Variants in CCDC33 observed in about 807,000 individuals in gnomAD.
CCDC33 encodes coiled-coil domain containing 33, also known as coiled-coil domain-containing protein 33.
A neutral mutation model predicts 91.9 loss-of-function variants in CCDC33; 94 were observed. That is an observed-to-expected ratio of 1.02 (90% CI 0.87 to 1.21). The LOEUF is 1.21. CCDC33 is among the 50% of genes most tolerant of loss of function. The pLI is 0.00. For missense variants in CCDC33, 940 were observed against 935.5 expected, an observed-to-expected ratio of 1.00 and a Z score of -0.06; for synonymous variants, 396 against 374.5, an observed-to-expected ratio of 1.06 and a Z score of -0.66.
intron 1 of CCDC33, chr15:74,208,712 A>G: frequency 1.0e-6 from 1 of 987,108 alleles, no homozygotes; most frequent in African/African-American, 1.7e-5. Context: ...ACTCCTGCTC[A>G]CTTCCCACCG....
chr15:74,262,088 G>A (rs2142372966), intron 2 of CCDC33, among the ~76,000 whole-genome samples: 2 of 152,332 alleles, frequency 1.3e-5, no homozygotes, highest in South Asian at 4.1e-4. Flanking sequence ...AGAAGAGGGA[G>A]GCCATGCACA....
chr15:74,218,316 G>A lies in CCDC33; in HGVS notation c.311-181G>A, dbSNP rs1310940801. ...TTGGATTGGGCATCAGCAAAGGGAGGGAGCCATGGGTGGGGCCTAGGAGGG... is the reference window on the plus strand; with the variant it reads ...TTGGATTGGGCATCAGCAAAGGGAGAGAGCCATGGGTGGGGCCTAGGAGGG... On this transcript the variant is annotated intron_variant, in intron 1 of 2. Coordinates refer to the CCDC33 transcript ENST00000635913. The surrounding 1 kb of genome is among the most constrained non-coding windows in gnomAD (Gnocchi z 4.8). Among the ~76,000 whole-genome samples the A allele has an allele frequency of 1.3e-5, 2 of 152,106 alleles. No homozygotes were observed. Among genetic ancestry groups the A allele is most frequent in the Non-Finnish European group, 2.9e-5 (2 of 67,992 alleles).
intron 1 of CCDC33, among the ~76,000 whole-genome samples, chr15:74,205,732 G>A (rs1443749264): frequency 6.6e-6 from 1 of 152,198 alleles, no homozygotes. Context: ...GCTGAGCCCA[G>A]GCACAGTCCC....
chr15:74,296,875 G>A (rs1335592105), intron 11 of CCDC33, among the ~76,000 whole-genome samples: 1 of 152,204 alleles, frequency 6.6e-6, no homozygotes, highest in East Asian at 1.9e-4. Context: ...AGTAACCATG[G>A]CTGAATTATT....
At chr15:74,225,155 T>TGTGA (rs1491175056) in intron 2 of CCDC33, among the ~76,000 whole-genome samples, 26 of 143,190 alleles carry the variant, frequency 1.8e-4, no homozygotes, top group African/African-American at 5.6e-4. Context: ...TGTGTGTGTG[T>TGTGA]GACAGAGAAT....
intron 2 of CCDC33, chr15:74,209,693 C>G: frequency 2.0e-6 from 1 of 508,698 alleles, no homozygotes; most frequent in Non-Finnish European, 3.5e-6. Context: ...TGCATCCCCC[C>G]TCACCTGAGC....
chr15:74,233,253 C>G (rs1270497045), upstream of CCDC33, among the ~76,000 whole-genome samples: 1 of 152,200 alleles, frequency 6.6e-6, no homozygotes, highest in Admixed American at 6.5e-5. Context: ...GGCGTGGGAC[C>G]AGGGCAAGTC....
chr15:74,280,288 T>C (rs1343968604), intron 8 of CCDC33, among the ~76,000 whole-genome samples, 196 bp downstream of exon 8: 1 of 152,144 alleles, frequency 6.6e-6, no homozygotes, highest in Non-Finnish European at 1.5e-5. Flanking sequence ...GCCTGTCCCA[T>C]ACTAGGTCTT....
At chr15:74,287,871 G>A (rs1013143810) in intron 10 of CCDC33, among the ~76,000 whole-genome samples, 10 of 152,188 alleles carry the variant, frequency 6.6e-5, no homozygotes, top group African/African-American at 9.7e-5. Flanking sequence ...AGGCCAACCT[G>A]GCCCCCAGGT....
chr15:74,205,909 AC>A (rs1315773973), intron 1 of CCDC33, among the ~76,000 whole-genome samples: 1 of 152,228 alleles, frequency 6.6e-6, no homozygotes. Context: ...TGTGCCTGGT[AC>A]TTTGGCCAGG....
chr15:74,251,822 T>C (rs1595945701), intron 2 of CCDC33, among the ~76,000 whole-genome samples: 1 of 152,112 alleles, frequency 6.6e-6, no homozygotes, highest in African/African-American at 2.4e-5. Flanking sequence ...TGGTGACTAA[T>C]TGAAGAAGAT....
At chr15:74,233,345 C>T (rs909662146), upstream of CCDC33, among the ~76,000 whole-genome samples, 1 of 152,242 alleles carries the variant, frequency 6.6e-6, no homozygotes, top group African/African-American at 2.4e-5. Flanking sequence ...CTGCCACGCA[C>T]CCTCGGCCCC....
Position 74,317,877 on chromosome 15 carries a change from G to A in CCDC33, c.1291-12312G>A, listed in dbSNP as rs1318079439. Among the ~76,000 whole-genome samples, 9 of 121,668 alleles carry A rather than the reference G, an allele frequency of 7.4e-5. No individual in the cohort carries two copies. The East Asian group carries it at 2.2e-3, about 30-fold the overall frequency. The allele number at this position is 121,668 out of a possible 152,430, so 79.8% of individuals were successfully genotyped here. A position where few individuals can be genotyped will look rare whatever the true frequency, so the allele number is the denominator to read the frequency against. ...CCGTTTCTAGGTGGCGGGCTGGCTT[G>A]TTTGGGTTTGTTTTTTTTTTTTTTT... is the stretch of plus-strand genomic sequence containing the variant. On this transcript the variant is annotated intron_variant, in intron 11 of 18. Transcript: ENST00000398814.
intron 1 of CCDC33, among the ~76,000 whole-genome samples, chr15:74,206,961 G>T (rs970040941): frequency 1.3e-5 from 2 of 152,226 alleles, no homozygotes; most frequent in African/African-American, 4.8e-5. Context: ...CTCACTATGG[G>T]AGGAGGTCCT....
rs766433450 is a variant in CCDC33, at chr15:74,244,080, C to T, written c.117C>T (p.Val39=). The T allele has an allele frequency of 1.2e-6, 2 of 1,613,960 alleles. No individual in the cohort carries two copies. Among genetic ancestry groups the T allele is most frequent in the African/African-American group, 2.7e-5 (2 of 74,892 alleles). ...CCTCTAAGAAGGAGACCATCATGGT[C>T]ACCCTCCATGGGGCTACCAACCTGC... ...LSPSKKETIM[V]TLHGATNLPA... The change falls in exon 2 of 19, where the codon GTC becomes GTT. Residue 39 remains valine (V), a synonymous_variant. Transcript: ENST00000398814. This position sits in a 1 kb window ranked among gnomAD's most constrained non-coding sequence, Gnocchi z 4.2.
rs1315720736 is a variant in CCDC33, at chr15:74,295,961, C to T, written c.1290+13C>T. ...GTCCCATGACACAGTGAGTGTCTCT[C>T]CCCAGGTGGGAAGGGCCGGGGCAGT... On this transcript the variant is annotated intron_variant, in intron 11 of 18. Coordinates refer to ENST00000398814, the MANE Select transcript of CCDC33 (RefSeq NM_025055.5). The T allele has an allele frequency of 1.2e-6, 2 of 1,602,344 alleles. No homozygotes were observed. Among genetic ancestry groups the T allele is most frequent in the South Asian group, 2.2e-5 (2 of 89,360 alleles).
chr15:74,269,162 C>T (rs1285656841), intron 5 of CCDC33, among the ~76,000 whole-genome samples: 4 of 152,140 alleles, frequency 2.6e-5, no homozygotes, highest in Admixed American at 1.3e-4. Flanking sequence ...CCTGGCCCCT[C>T]TCCCATTCCC....
At chr15:74,225,565 C>G (rs1188025335) in intron 2 of CCDC33, among the ~76,000 whole-genome samples, 4 of 151,988 alleles carry the variant, frequency 2.6e-5, no homozygotes, top group African/African-American at 4.8e-5. Context: ...AGATTCACCC[C>G]GAGACACCAA....
chr15:74,318,740 C>A, intron 11 of CCDC33: 1 of 699,328 alleles, frequency 1.4e-6, no homozygotes, highest in Non-Finnish European at 2.6e-6. Context: ...TGTTGCCCAG[C>A]AACCAGTAGA....
Sources: gnomAD v4.1 joint callset for allele counts (sites outside exome capture counted in the v4.1 genomes callset) on GRCh38, gnomAD v4.1.1 for gene constraint, Gnocchi (gnomAD v3.1) non-coding constraint, MANE v1.5 for transcripts, NCBI Gene and HGNC (gene_info 2026-07-23, HGNC 2026-07-21) for gene names.